The following TMEM41B variants were observed in gnomAD, a reference collection of about 807,000 sequenced individuals.
TMEM41B encodes transmembrane protein 41B, also known as protein stasimon.
A neutral mutation model predicts 31.9 loss-of-function variants in TMEM41B; 18 were observed. That is an observed-to-expected ratio of 0.56 (90% CI 0.39 to 0.84). The LOEUF is 0.84. Among genes scored for constraint, TMEM41B ranks in the 40% least tolerant of loss-of-function variants. The pLI, the probability that TMEM41B is intolerant of heterozygous loss-of-function variation, is 0.00. For missense variants in TMEM41B, 322 were observed against 348.0 expected (o/e 0.93, Z 0.59); for synonymous variants, 144 against 124.3 (o/e 1.16, Z -1.05).
chr11:9,313,085 A>G (rs1853601693), intron 1 of TMEM41B, among the ~76,000 whole-genome samples: 1 of 152,198 alleles, frequency 6.6e-6, no homozygotes, highest in Non-Finnish European at 1.5e-5. Flanking sequence ...GGGATGCCCT[A>G]TCTGGAACAC....
chr11:9,305,155 T>A (rs1853356347), intron 1 of TMEM41B, among the ~76,000 whole-genome samples: 1 of 152,278 alleles, frequency 6.6e-6, no homozygotes, highest in South Asian at 2.1e-4. Flanking sequence ...CTATATATTT[T>A]TATTCAATAA....
At position 9,294,688 on chromosome 11, in the gene TMEM41B, A is replaced by G. The variant is rs529619683; in HGVS notation, c.368+571T>C. 1.1e-4 allele frequency among the ~76,000 whole-genome samples: 17 copies of G among 152,214 alleles called. No individual in the cohort carries two copies. In the South Asian group the frequency reaches 3.5e-3, roughly 32 times the overall value. On this transcript the variant is annotated intron_variant, in intron 3 of 6. Coordinates refer to ENST00000528080, the MANE Select transcript of TMEM41B (RefSeq NM_015012.4). ...CAGCTAAGCAGTTTGAAATAAAGCT[A>G]TTTTCCTGACTAGTTAAAATGTAAT...
At position 9,286,773 on chromosome 11, in the gene TMEM41B, G is replaced by T. The variant is rs1336902166; in HGVS notation, c.568-180C>A. 2.6e-5 allele frequency among the ~76,000 whole-genome samples: 4 copies of T among 152,188 alleles called. No homozygotes were observed. In the East Asian group the frequency reaches 7.7e-4, roughly 29 times the overall value. On this transcript the variant is annotated intron_variant, in intron 5 of 6. Transcript: ENST00000528080. The stretch of plus-strand genomic sequence containing the variant: ...CCAGCACTTTGGGAGGCTGAGGCAG[G>T]CGGATCACCTGAGGTCAGGAGTTCG...
chr11:9,292,667 C>CA (rs954981642), intron 3 of TMEM41B, among the ~76,000 whole-genome samples: 7 of 151,886 alleles, frequency 4.6e-5, no homozygotes, highest in East Asian at 3.9e-4. Context: ...CCCATCGCTA[C>CA]AAAAAAATAC....
intron 1 of TMEM41B, among the ~76,000 whole-genome samples, chr11:9,310,360 C>T (rs1264088885): frequency 6.6e-6 from 1 of 150,752 alleles, no homozygotes; most frequent in Non-Finnish European, 1.5e-5. Flanking sequence ...CCGGTATACA[C>T]AAAATCTATA....
chr11:9,282,297 G>A lies in TMEM41B; in HGVS notation c.*1127C>T, dbSNP rs1188000613. ...GGAGGCTGGGCCAGGAGAATCGCTTGAACCCAGGAGGCGGAGTTTGCAGTG... is the reference window on the plus strand; with the variant it reads ...GGAGGCTGGGCCAGGAGAATCGCTTAAACCCAGGAGGCGGAGTTTGCAGTG... On this transcript the variant is annotated 3_prime_UTR_variant, in exon 7 of 7. Transcript: ENST00000528080. 1 of 151,410 alleles carries A rather than the reference G, an allele frequency of 6.6e-6. No individual in the cohort carries two copies. Among genetic ancestry groups the A allele is most frequent in the African/African-American group, 2.4e-5 (1 of 41,100 alleles). The allele number at this position is 151,410 out of a possible 1,614,324, so 9.4% of individuals were successfully genotyped here.
At chr11:9,304,662 T>A (rs1279894478) in intron 1 of TMEM41B, among the ~76,000 whole-genome samples, 1 of 146,382 alleles carries the variant, frequency 6.8e-6, no homozygotes, top group Non-Finnish European at 1.5e-5. Flanking sequence ...ATTAATTAAT[T>A]AATTTTTTTT....
At chr11:9,312,475 T>C (rs1321868424) in intron 1 of TMEM41B, among the ~76,000 whole-genome samples, 2 of 152,164 alleles carry the variant, frequency 1.3e-5, no homozygotes, top group Non-Finnish European at 2.9e-5. Flanking sequence ...CACTCCAGCA[T>C]AGGTGACACA....
intron 4 of TMEM41B, 82 bp downstream of exon 4, chr11:9,288,360 G>A: frequency 1.1e-6 from 1 of 924,006 alleles, no homozygotes; most frequent in Non-Finnish European, 1.6e-6. Context: ...TGCTTACATA[G>A]ACTAGTAGGG....
chr11:9,287,993 G>C (rs374654876), intron 4 of TMEM41B, 187 bp from the exon 5 acceptor site: 6 of 572,042 alleles, frequency 1.0e-5, no homozygotes, highest in Middle Eastern at 9.1e-4. Flanking sequence ...AATGAGATCA[G>C]CTAAAACAAA....
In TMEM41B at chr11:9,314,465, G is replaced by A. The variant is rs1853643985; in HGVS notation, c.-24C>T. 6.5e-7 allele frequency: 1 copy of A among 1,543,544 alleles called. No homozygotes were observed. The highest frequency in any genetic ancestry group is 1.7e-4 in the Middle Eastern group (1 of 5,954). ...ATGGCTGCTGCAAGGTGAAGGGAGC[G>A]GTGCGGTGCCGCGCCCCCTAAACAA... On this transcript the variant is annotated 5_prime_UTR_variant, in exon 1 of 7. Transcript: ENST00000528080.
chr11:9,300,977 T>C (rs567367892), intron 1 of TMEM41B, among the ~76,000 whole-genome samples: 12 of 152,142 alleles, frequency 7.9e-5, no homozygotes, highest in African/African-American at 2.4e-4. Context: ...AACTGGTCAA[T>C]AGCGCGAAGG....
At chr11:9,299,519 G>T in intron 2 of TMEM41B, 65 bp downstream of exon 2, 3 of 1,116,350 alleles carry the variant, frequency 2.7e-6, no homozygotes, top group Non-Finnish European at 4.0e-6. Context: ...TACTGCACTT[G>T]GCCTTAATCC....
rs1248055717 is a variant in TMEM41B at position 9,283,506 on chromosome 11, G to A, written c.794C>T (p.Ser265Leu). The part of the protein sequence containing the change: ...TTAGEAVSWN[S>L]IFILMILAVL... ...AGCCAAGATCATCAGAATAAATATT[G>A]AGTTCCAGGAAACAGCTTCTCCTGC... The change falls in exon 7 of 7, where the codon TCA (serine) becomes TTA (leucine). Residue 265 changes from serine (S) to leucine (L), a missense_variant. This residue lies in a region of TMEM41B where 92 missense variants were observed against 88.0 expected (regional missense o/e 1.05). Transcript: ENST00000528080. The A allele has an allele frequency of 1.6e-5, 26 of 1,613,396 alleles. No individual in the cohort carries two copies. Among genetic ancestry groups the A allele is most frequent in the Non-Finnish European group, 2.1e-5 (25 of 1,179,798 alleles).
intron 2 of TMEM41B, among the ~76,000 whole-genome samples, chr11:9,297,610 T>C (rs1853130034): frequency 6.6e-6 from 1 of 152,044 alleles, no homozygotes; most frequent in South Asian, 2.1e-4. Context: ...GAGAATCGCT[T>C]GAACTGGGAG....
At chr11:9,284,162 C>T (rs1443443623) in intron 6 of TMEM41B, among the ~76,000 whole-genome samples, 1 of 151,868 alleles carries the variant, frequency 6.6e-6, no homozygotes, top group Admixed American at 6.6e-5. Context: ...TTGTTTTCTC[C>T]CCCCGAGAGT....
intron 6 of TMEM41B, among the ~76,000 whole-genome samples, chr11:9,284,518 C>T (rs1852792472): frequency 6.6e-6 from 1 of 151,940 alleles, no homozygotes; most frequent in African/African-American, 2.4e-5. Context: ...ATCCCAGCAC[C>T]CTGGGAGGCC....
chr11:9,296,616 A>AG (rs1267328236), intron 2 of TMEM41B, among the ~76,000 whole-genome samples: 2 of 151,508 alleles, frequency 1.3e-5, no homozygotes, highest in Non-Finnish European at 2.9e-5. Context: ...AAAAAAAAAA[A>AG]AAAAAAAGAA....
intron 1 of TMEM41B, among the ~76,000 whole-genome samples, chr11:9,300,890 A>G (rs916613143): frequency 3.3e-5 from 5 of 152,038 alleles, no homozygotes; most frequent in South Asian, 2.1e-4. Flanking sequence ...AAAAAAAAAA[A>G]TTATATTAAC....
Sources: gnomAD v4.1 joint callset for allele counts (sites outside exome capture counted in the v4.1 genomes callset) on GRCh38, gnomAD v4.1.1 for gene constraint, gnomAD v4.1.1 regional missense constraint, MANE v1.5 for transcripts, NCBI Gene and HGNC (gene_info 2026-07-23, HGNC 2026-07-21) for gene names.